The following RPA3 variants were observed in gnomAD, a reference collection of about 807,000 sequenced individuals.
The protein encoded by RPA3 is replication protein A 14 kDa subunit.
A neutral mutation model predicts 13.7 loss-of-function variants in RPA3; 24 were observed. The ratio of observed to expected loss-of-function variants is 1.75; its 90% CI spans 1.27 to 2.46. The LOEUF is 2.46. Among genes scored for constraint, RPA3 ranks in the 30% most tolerant of loss-of-function variants. The pLI, the probability that RPA3 is intolerant of heterozygous loss-of-function variation, is 0.00. For synonymous variants in RPA3, 59 were observed against 51.2 expected (o/e 1.15, Z -0.65); for missense variants, 183 against 151.0 (o/e 1.21, Z -1.11).
chr7:7,704,968 C>G (rs1019354015), intron 2 of RPA3, among the ~76,000 whole-genome samples: 2 of 152,064 alleles, frequency 1.3e-5, no homozygotes, highest in African/African-American at 2.4e-5. Flanking sequence ...TCTGGATAAA[C>G]TCAGCATGCC....
At chr7:7,710,588 C>T (rs551288341) in intron 2 of RPA3, among the ~76,000 whole-genome samples, 1 of 152,092 alleles carries the variant, frequency 6.6e-6, no homozygotes, top group African/African-American at 2.4e-5. Context: ...GAATCTGGAT[C>T]ACTTATTGAT....
chr7:7,670,727 G>C (rs555420114), intron 4 of RPA3, among the ~76,000 whole-genome samples: 9 of 152,154 alleles, frequency 5.9e-5, no homozygotes, highest in Non-Finnish European at 8.8e-5. Context: ...CAAGTAATCT[G>C]CCCCTCCTTT....
intron 2 of RPA3, among the ~76,000 whole-genome samples, 196 bp downstream of exon 2, chr7:7,714,979 G>A (rs1780860832): frequency 6.6e-6 from 1 of 151,514 alleles, no homozygotes; most frequent in Non-Finnish European, 1.5e-5. Context: ...AACTACAGAG[G>A]AATTACAGTT....
chr7:7,652,783 T>C (rs1223714438), intron 4 of RPA3, among the ~76,000 whole-genome samples: 7 of 152,226 alleles, frequency 4.6e-5, no homozygotes, highest in African/African-American at 1.7e-4. Flanking sequence ...AGTTTGTTCT[T>C]CAATGGGGAG....
chr7:7,658,989 T>A (rs1785410544), intron 4 of RPA3, among the ~76,000 whole-genome samples: 1 of 152,178 alleles, frequency 6.6e-6, no homozygotes, highest in African/African-American at 2.4e-5. Context: ...CAGAACTTGT[T>A]ATTGGTCTAT....
chr7:7,715,861 G>A (rs973306792), intron 1 of RPA3, among the ~76,000 whole-genome samples: 7 of 152,112 alleles, frequency 4.6e-5, no homozygotes, highest in Non-Finnish European at 8.8e-5. Context: ...AAATAGTATC[G>A]TGATAGCATA....
At chr7:7,717,084 T>TCTTG (rs1780932634) in intron 1 of RPA3, among the ~76,000 whole-genome samples, 1 of 146,866 alleles carries the variant, frequency 6.8e-6, no homozygotes, top group Admixed American at 6.8e-5. Flanking sequence ...TGAGACGGAG[T>TCTTG]CTTGGTCTGT....
intron 4 of RPA3, among the ~76,000 whole-genome samples, chr7:7,644,556 A>T (rs1785053766): frequency 6.6e-6 from 1 of 152,058 alleles, no homozygotes; most frequent in Admixed American, 6.5e-5. Flanking sequence ...TTCACTCTTC[A>T]TGTATGTTGT....
At chr7:7,696,577 A>T (rs1274600619) in intron 2 of RPA3, among the ~76,000 whole-genome samples, 1 of 152,164 alleles carries the variant, frequency 6.6e-6, no homozygotes, top group East Asian at 1.9e-4. Flanking sequence ...GCTATTAACC[A>T]GTGTCAACTG....
intron 2 of RPA3, among the ~76,000 whole-genome samples, chr7:7,714,509 A>T (rs1318907218): frequency 6.6e-6 from 1 of 152,258 alleles, no homozygotes; most frequent in Non-Finnish European, 1.5e-5. Context: ...ATATAGTTTA[A>T]TTGCTAAAAT....
At position 7,640,666 on chromosome 7, in the gene RPA3, A is replaced by C; in HGVS notation, c.-248T>G. ...CGCGCGGCGTCCCGGAAGTTGACAG[A>C]TACAGGGCGAGAGGCAGTGGAGGCG... On this transcript the variant is annotated 5_prime_UTR_variant, in exon 5 of 8. Coordinates refer to ENST00000223129, the MANE Select transcript of RPA3 (RefSeq NM_002947.5). The C allele has an allele frequency of 5.8e-6, 3 of 513,520 alleles. No individual in the cohort carries two copies. In the South Asian group the frequency reaches 7.0e-5, roughly 12 times the overall value. The allele number at this position is 513,520 out of a possible 1,614,324, so 31.8% of individuals were successfully genotyped here.
At chr7:7,677,894 C>T (rs544831076) in intron 4 of RPA3, among the ~76,000 whole-genome samples, 8 of 151,492 alleles carry the variant, frequency 5.3e-5, no homozygotes, top group East Asian at 3.9e-4. Flanking sequence ...GGGATGGTCT[C>T]GATCTCCTGA....
intron 4 of RPA3, chr7:7,673,171 A>G: frequency 1.5e-6 from 1 of 683,306 alleles, no homozygotes; most frequent in Non-Finnish European, 2.6e-6. Flanking sequence ...CATCTAGAGA[A>G]GGCTCATGGT....
intron 4 of RPA3, among the ~76,000 whole-genome samples, chr7:7,645,574 C>T (rs1039839057): frequency 2.0e-5 from 3 of 152,332 alleles, no homozygotes; most frequent in South Asian, 2.1e-4. Context: ...CCCCGAAGTC[C>T]TTCCCAACTT....
At chr7:7,671,572 A>G (rs972290697) in intron 4 of RPA3, among the ~76,000 whole-genome samples, 5 of 152,204 alleles carry the variant, frequency 3.3e-5, no homozygotes, top group African/African-American at 1.2e-4. Flanking sequence ...CCAATTGTGT[A>G]AGTCGTTTAA....
chr7:7,710,078 CTCAG>C (rs1780715182), intron 2 of RPA3, among the ~76,000 whole-genome samples: 2 of 152,314 alleles, frequency 1.3e-5, no homozygotes, highest in East Asian at 3.9e-4. Context: ...GCCTCTCTCA[CTCAG>C]TATCATGTAT....
intron 4 of RPA3, among the ~76,000 whole-genome samples, chr7:7,666,101 A>C (rs547116900): frequency 4.1e-4 from 63 of 152,330 alleles, no homozygotes; most frequent in Admixed American, 7.2e-4. Context: ...CAGTGGCTGT[A>C]CCATATTACC....
Position 7,639,090 on chromosome 7 carries a change from T to C in RPA3, c.154A>G (p.Thr52Ala). The C allele has an allele frequency of 6.2e-7, 1 of 1,612,480 alleles. No individual in the cohort carries two copies. Residue 52 changes from threonine to alanine, a missense_variant, in exon 6 of 8, where the codon ACC becomes GCC. Thr to Ala is a moderately conservative substitution (Grantham distance 58). Coordinates refer to ENST00000223129, the MANE Select transcript of RPA3 (RefSeq NM_002947.5). The stretch of plus-strand genomic sequence containing the variant: ...CATACGGGTTCCATCAACTCGATGG[T>C]TCCATTTTTTCCTTCTCCATCTGAA... ...ILSDGEGKNG[T>A]IELMEPLDEE... is the part of the protein sequence containing the mutation.
chr7:7,691,164 T>A (rs1780164643), intron 2 of RPA3, among the ~76,000 whole-genome samples: 1 of 152,216 alleles, frequency 6.6e-6, no homozygotes, highest in Admixed American at 6.5e-5. Flanking sequence ...TGATGGAATT[T>A]TAGGTTTTTC....
Sources: gnomAD v4.1 joint callset for allele counts (sites outside exome capture counted in the v4.1 genomes callset) on GRCh38, gnomAD v4.1.1 for gene constraint, MANE v1.5 for transcripts, NCBI Gene and HGNC (gene_info 2026-07-23, HGNC 2026-07-21) for gene names.